Variants in PDE1A observed in about 807,000 individuals in gnomAD.
The protein encoded by PDE1A is phosphodiesterase 1A, also known as dual specificity calcium/calmodulin-dependent 3',5'-cyclic nucleotide phosphodiesterase 1A.
Under a neutral mutation model 61.7 loss-of-function variants are expected in PDE1A, and 35 were observed. The ratio of observed to expected loss-of-function variants is 0.57; its 90% confidence interval spans 0.43 to 0.75. PDE1A has a LOEUF of 0.75. PDE1A is among the 30% of genes least tolerant of loss of function. The pLI is 0.00. For missense variants in PDE1A, 597 were observed against 630.6 expected (o/e 0.95, Z 0.57); for synonymous variants, 232 against 213.2 (o/e 1.09, Z -0.77).
chr2:182,713,043 T>C, the PDE1A span, among the ~76,000 whole-genome samples: 1 of 152,176 alleles, frequency 6.6e-6, no homozygotes, highest in African/African-American at 2.4e-5. Flanking sequence ...TGGTGATCTT[T>C]TTGTTCCTTT....
At chr2:182,309,332 C>A (rs1695809396) in intron 1 of PDE1A, among the ~76,000 whole-genome samples, 2 of 151,912 alleles carry the variant, frequency 1.3e-5, no homozygotes, top group African/African-American at 4.8e-5. Flanking sequence ...ATTGAGCATA[C>A]CATCCTTATA....
At chr2:182,716,544 C>G in the PDE1A span, 2 of 152,394 alleles carry the variant, frequency 1.3e-5, no homozygotes, top group Non-Finnish European at 2.9e-5. Context: ...GCCCTCCGGT[C>G]AGGGAGGGGC....
intron 7 of PDE1A, among the ~76,000 whole-genome samples, chr2:182,212,838 G>A (rs1237253580): frequency 1.3e-5 from 2 of 152,228 alleles, no homozygotes; most frequent in East Asian, 1.9e-4. Context: ...GGAGGCCAGG[G>A]GAGGGGCGCC....
intron 1 of PDE1A, among the ~76,000 whole-genome samples, chr2:182,274,378 TC>T (rs1288082595): frequency 6.6e-6 from 1 of 151,898 alleles, no homozygotes; most frequent in East Asian, 1.9e-4. Context: ...GAAAGAAAAG[TC>T]AACATGATAT....
At chr2:182,349,040 A>C (rs1698697964) in intron 1 of PDE1A, among the ~76,000 whole-genome samples, 1 of 152,192 alleles carries the variant, frequency 6.6e-6, no homozygotes, top group African/African-American at 2.4e-5. Context: ...AGGTAGAATA[A>C]AATGTCATTG....
chr2:182,152,332 T>C (rs565434949), intron 13 of PDE1A, among the ~76,000 whole-genome samples: 3 of 151,948 alleles, frequency 2.0e-5, no homozygotes, highest in Non-Finnish European at 4.4e-5. Context: ...TTGGCATCCA[T>C]ATAATGTAGT....
intron 1 of PDE1A, among the ~76,000 whole-genome samples, chr2:182,293,740 G>GT (rs1056043008): frequency 6.6e-5 from 10 of 152,264 alleles, no homozygotes; most frequent in African/African-American, 1.9e-4. Context: ...CAATATAACT[G>GT]TAAGAGGAGT....
At chr2:182,568,196 A>G in the PDE1A span, among the ~76,000 whole-genome samples, 1 of 152,164 alleles carries the variant, frequency 6.6e-6, no homozygotes, top group Admixed American at 6.6e-5. Context: ...AGTATTGTTA[A>G]AATTTTTGGT....
At chr2:182,559,953 C>T in the PDE1A span, among the ~76,000 whole-genome samples, 1 of 151,740 alleles carries the variant, frequency 6.6e-6, no homozygotes, top group Admixed American at 6.6e-5. Context: ...AAGGGTTACC[C>T]TCAGTATGGG....
chr2:182,532,234 A>G, the PDE1A span, among the ~76,000 whole-genome samples: 1 of 152,206 alleles, frequency 6.6e-6, no homozygotes, highest in South Asian at 2.1e-4. Context: ...GAGCTAGAAG[A>G]AGGATATTAA....
chr2:182,588,040 T>C, the PDE1A span, among the ~76,000 whole-genome samples: 1 of 152,148 alleles, frequency 6.6e-6, no homozygotes, highest in Non-Finnish European at 1.5e-5. Flanking sequence ...TTTTGATATG[T>C]GAAGTTTGGA....
chr2:182,200,838 G>A (rs1203007003), intron 10 of PDE1A, among the ~76,000 whole-genome samples: 4 of 152,182 alleles, frequency 2.6e-5, no homozygotes, highest in Non-Finnish European at 5.9e-5. Context: ...ACTCTGAGTG[G>A]TTAGCATCAC....
intron 13 of PDE1A, among the ~76,000 whole-genome samples, chr2:182,174,360 T>C (rs1370851686): frequency 7.0e-6 from 1 of 142,322 alleles, no homozygotes; most frequent in Admixed American, 6.8e-5. Context: ...AATATAAAGG[T>C]GGTACTCAGA....
intron 1 of PDE1A, among the ~76,000 whole-genome samples, chr2:182,362,880 CA>C (rs1699593111): frequency 1.3e-5 from 2 of 152,060 alleles, no homozygotes; most frequent in Admixed American, 1.3e-4. Flanking sequence ...GAATACTATG[CA>C]GCCATAAAAA....
intron 1 of PDE1A, among the ~76,000 whole-genome samples, chr2:182,334,267 G>GAAACACAC (rs1553588870): frequency 6.9e-6 from 1 of 145,712 alleles, no homozygotes; most frequent in African/African-American, 2.5e-5. Context: ...CCCTGGAAGA[G>GAAACACAC]ACACACACAC....
chr2:182,646,747 A>G, the PDE1A span, among the ~76,000 whole-genome samples: 2 of 152,156 alleles, frequency 1.3e-5, no homozygotes, highest in Admixed American at 6.6e-5. Context: ...TCAGTGAAAC[A>G]TAAGTATAAC....
At chr2:182,593,452 A>G in the PDE1A span, among the ~76,000 whole-genome samples, 1 of 152,360 alleles carries the variant, frequency 6.6e-6, no homozygotes, top group South Asian at 2.1e-4. Flanking sequence ...AGCCCCATCA[A>G]TCCACTACTG....
chr2:182,631,813 T>C, the PDE1A span, among the ~76,000 whole-genome samples: 2 of 152,242 alleles, frequency 1.3e-5, no homozygotes, highest in African/African-American at 4.8e-5. Flanking sequence ...TCAAGTATGA[T>C]GCTAGGAAAT....
intron 1 of PDE1A, among the ~76,000 whole-genome samples, chr2:182,348,703 C>T (rs2125086660): frequency 6.6e-6 from 1 of 151,888 alleles, no homozygotes; most frequent in East Asian, 1.9e-4. Context: ...CTTAGTTCAT[C>T]TTAGCTCTAT....
Sources: allele counts gnomAD v4.1 joint callset (sites outside exome capture counted in the v4.1 genomes callset), GRCh38; gene constraint gnomAD v4.1.1; transcripts MANE v1.5; gene names NCBI Gene and HGNC (gene_info 2026-07-23, HGNC 2026-07-21).